STK25: variants seen among roughly 807,000 people sequenced by gnomAD.
The protein encoded by STK25 is serine/threonine kinase 25, also known as serine/threonine-protein kinase 25.
A neutral mutation model predicts 53.8 loss-of-function variants in STK25; 29 were observed. That is an observed-to-expected ratio of 0.54 (90% CI 0.40 to 0.74). The LOEUF (loss-of-function observed/expected upper bound fraction) is 0.74. Ranked by LOEUF, STK25 falls within the 30% of genes least tolerant of loss-of-function variation. STK25 has a pLI of 0.00. For synonymous variants in STK25, 247 were observed against 238.3 expected, an observed-to-expected ratio of 1.04 and a Z score of -0.33; for missense variants, 420 against 568.0, an observed-to-expected ratio of 0.74 and a Z score of 2.65.
rs2065055745 is a variant in STK25 at position 241,494,632 on chromosome 2, GCCC to G, written c.*1027_*1029del. 6.6e-6 allele frequency: 1 copy of G among 152,224 alleles called. No homozygotes were observed. Among genetic ancestry groups the G allele is most frequent in the Admixed American group, 6.5e-5 (1 of 15,292 alleles). The allele number at this position is 152,224 out of a possible 1,614,324, so 9.4% of individuals were successfully genotyped here. A position where few individuals can be genotyped will look rare whatever the true frequency, so the allele number is the denominator to read the frequency against. On this transcript the variant is annotated 3_prime_UTR_variant, in exon 12 of 12. Transcript: ENST00000316586. This position sits in a 1 kb window ranked among gnomAD's most constrained non-coding sequence, Gnocchi z 4.9. The stretch of plus-strand genomic sequence containing the variant: ...AACCAAGTGGCAGCCCCAGGGGCCT[GCCC>G]TGCAGGTCACAGCTAAACAAGTCTG...
At chr2:241,498,869 G>A (rs1355110524) in intron 7 of STK25, 85 bp from the exon 8 acceptor site, 27 of 1,606,654 alleles carry the variant, frequency 1.7e-5, no homozygotes, top group East Asian at 4.5e-5. Context: ...CTGGACCGGG[G>A]CGGGCCCTCA....
In STK25 at chr2:241,495,444, A is replaced by G; in HGVS notation, c.*218T>C. ...GCTGGGCCAGGAGAGGGAGGAGGGC[A>G]GTGGGCATAGAGAACAGCGTCCCTG... On this transcript the variant is annotated 3_prime_UTR_variant, in exon 12 of 12. Coordinates refer to ENST00000316586, the MANE Select transcript of STK25 (RefSeq NM_001271977.2). 1.8e-6 allele frequency: 1 copy of G among 568,884 alleles called. No homozygotes were observed. The highest frequency in any genetic ancestry group is 2.9e-5 in the East Asian group (1 of 34,512). 35.2% of individuals were successfully genotyped at this position (568,884 alleles called of 1,614,324 possible).
rs2064992188 is a variant in STK25, at chr2:241,493,153, CCT to C, written c.*2507_*2508del. The C allele has an allele frequency of 1.7e-6, 2 of 1,170,300 alleles. No individual in the cohort carries two copies. The highest frequency in any genetic ancestry group is 3.6e-5 in the Admixed American group (2 of 55,046). The allele number at this position is 1,170,300 out of a possible 1,614,324, so 72.5% of individuals were successfully genotyped here. A position where few individuals can be genotyped will look rare whatever the true frequency, so the allele number is the denominator to read the frequency against. On this transcript the variant is annotated 3_prime_UTR_variant, in exon 12 of 12. Coordinates refer to ENST00000316586, the MANE Select transcript of STK25 (RefSeq NM_001271977.2). ...GCCCTCCCATGCTTTGCCCACACAC[CCT>C]GTGCTGTGTGAACAGGGAAACTGGC...
In STK25 at chr2:241,498,625, A is replaced by G; in HGVS notation, c.917+14T>C. ...AGCACCTAGGGTCACCATGAGGATA[A>G]ACCAGGTCCCTACATGTCAGAGTCC... On this transcript the variant is annotated intron_variant, in intron 8 of 11. Coordinates refer to ENST00000316586, the MANE Select transcript of STK25 (RefSeq NM_001271977.2). 1 of 1,609,804 alleles carries G rather than the reference A, an allele frequency of 6.2e-7. No homozygotes were observed. Among genetic ancestry groups the G allele is most frequent in the South Asian group, 1.1e-5 (1 of 90,704 alleles).
At chr2:241,503,342 G>A (rs2065619251) in intron 2 of STK25, among the ~76,000 whole-genome samples, 1 of 151,904 alleles carries the variant, frequency 6.6e-6, no homozygotes. Context: ...TGGGATTACA[G>A]GCGTGAGCCA....
chr2:241,500,046 TG>T, intron 5 of STK25, 126 bp downstream of exon 5: 1 of 764,374 alleles, frequency 1.3e-6, no homozygotes, highest in Non-Finnish European at 2.3e-6. Context: ...AGTTTCAGGG[TG>T]GCCACAAGGT....
At position 241,497,684 on chromosome 2, in the gene STK25, C is replaced by G. The variant is rs1174596222; in HGVS notation, c.1036G>C (p.Ala346Pro). ...GTALHSSQKPAEPVKRQPRSQ... is the reference protein window; with the variant it reads ...GTALHSSQKPPEPVKRQPRSQ... ...CTCGGCTGCCTCTTGACGGGCTCCG[C>G]AGGCTGCAAAGGAGTGGAGGCCCAG... Residue 346 changes from alanine (A) to proline (P), a missense_variant, in exon 10 of 12, where the codon GCG (alanine) becomes CCG (proline). Coordinates refer to ENST00000316586, the MANE Select transcript of STK25 (RefSeq NM_001271977.2). 6.2e-7 allele frequency: 1 copy of G among 1,613,388 alleles called. No homozygotes were observed. Among genetic ancestry groups the G allele is most frequent in the Admixed American group, 1.7e-5 (1 of 60,018 alleles).
chr2:241,496,812 T>C lies in STK25; in HGVS notation c.1105-278A>G, dbSNP rs1450062432. 1.3e-5 allele frequency among the ~76,000 whole-genome samples: 2 copies of C among 152,096 alleles called. No individual in the cohort carries two copies. Among genetic ancestry groups the C allele is most frequent in the Non-Finnish European group, 2.9e-5 (2 of 67,986 alleles). On this transcript the variant is annotated intron_variant, in intron 10 of 11. Coordinates refer to ENST00000316586, the MANE Select transcript of STK25 (RefSeq NM_001271977.2). This position sits in a 1 kb window ranked among gnomAD's most constrained non-coding sequence, Gnocchi z 5.8. Reference sequence around the variant, plus strand: ...GGTTCTCAGGAGGGGACCAGATGGCTTCCTCCCAGCCGAGGGTCATGGAAG... The same window carrying C: ...GGTTCTCAGGAGGGGACCAGATGGCCTCCTCCCAGCCGAGGGTCATGGAAG...
chr2:241,501,553 GTCCTCGATCTCA>G lies in STK25; in HGVS notation c.174_185del (p.Glu59_Asp62del), dbSNP rs1559837453. The G allele has an allele frequency of 1.9e-6, 3 of 1,614,126 alleles. No individual in the cohort carries two copies. Among genetic ancestry groups the G allele is most frequent in the African/African-American group, 1.3e-5 (1 of 75,048 alleles). On this transcript the variant is annotated inframe_deletion, in exon 3 of 12. Transcript: ENST00000316586. This position sits in a 1 kb window ranked among gnomAD's most constrained non-coding sequence, Gnocchi z 5.3. ...TGAGGACAGTGATCTCCTGCTGGAT[GTCCTCGATCTCA>G]TCCTCGGCCTCCTCCAGGTCGATGA...
Position 241,495,016 on chromosome 2 carries a change from A to G in STK25, c.*646T>C, listed in dbSNP as rs1253261173. Reference sequence around the variant, plus strand: ...CCCGGGCCCCACCACACACACCTGCATGTCTCCAAGTCAGGTCTTTATTGA... The same window carrying G: ...CCCGGGCCCCACCACACACACCTGCGTGTCTCCAAGTCAGGTCTTTATTGA... On this transcript the variant is annotated 3_prime_UTR_variant, in exon 12 of 12. Transcript: ENST00000316586. The G allele has an allele frequency of 6.6e-6, 1 of 152,230 alleles. No homozygotes were observed. The highest frequency in any genetic ancestry group is 1.5e-5 in the Non-Finnish European group (1 of 68,128). 9.4% of individuals were successfully genotyped at this position (152,230 alleles called of 1,614,324 possible).
rs779913006 is a variant in STK25, at chr2:241,493,484, C to G, written c.*2178G>C. 1 of 1,596,466 alleles carries G rather than the reference C, an allele frequency of 6.3e-7. No homozygotes were observed. The highest frequency in any genetic ancestry group is 8.6e-7 in the Non-Finnish European group (1 of 1,165,034). On this transcript the variant is annotated 3_prime_UTR_variant, in exon 12 of 12. Coordinates refer to ENST00000316586, the MANE Select transcript of STK25 (RefSeq NM_001271977.2). ...GGCAGCCCTGGTCAGCTGCCCATTT[C>G]GATGTCCGCTCAGCTCCCATTTCTA...
chr2:241,492,899 A>T lies in STK25; in HGVS notation c.*2763T>A. The stretch of plus-strand genomic sequence containing the variant: ...CCACAAGGGGTCCTGGGTGCTGGTT[A>T]ATGCACCTGCATTTTTCCTTTATTG... On this transcript the variant is annotated 3_prime_UTR_variant, in exon 12 of 12. Coordinates refer to ENST00000316586, the MANE Select transcript of STK25 (RefSeq NM_001271977.2). The T allele has an allele frequency of 1.5e-6, 2 of 1,306,180 alleles. No homozygotes were observed. The highest frequency in any genetic ancestry group is 2.2e-6 in the Non-Finnish European group (2 of 899,020). The allele number at this position is 1,306,180 out of a possible 1,614,324, so 80.9% of individuals were successfully genotyped here. A position where few individuals can be genotyped will look rare whatever the true frequency, so the allele number is the denominator to read the frequency against.
In STK25 at chr2:241,501,917, T is replaced by C. The variant is rs1318186252; in HGVS notation, c.31-209A>G. 2 of 519,038 alleles carry C rather than the reference T, an allele frequency of 3.9e-6. No individual in the cohort carries two copies. Among genetic ancestry groups the C allele is most frequent in the Non-Finnish European group, 7.0e-6 (2 of 286,106 alleles). The allele number at this position is 519,038 out of a possible 1,614,324, so 32.2% of individuals were successfully genotyped here. ...GCGTGGTGGCTCACGCCTGTAATTCTAGCACTTTGGGAGGCCGAGGCAGGT... is the reference window on the plus strand; with the variant it reads ...GCGTGGTGGCTCACGCCTGTAATTCCAGCACTTTGGGAGGCCGAGGCAGGT... On this transcript the variant is annotated intron_variant, in intron 2 of 11. Transcript: ENST00000316586. This position sits in a 1 kb window ranked among gnomAD's most constrained non-coding sequence, Gnocchi z 5.3.
chr2:241,505,144 C>T (rs1338657017), intron 2 of STK25, among the ~76,000 whole-genome samples: 2 of 151,118 alleles, frequency 1.3e-5, no homozygotes, highest in East Asian at 1.9e-4. Context: ...AGGCTAGTCT[C>T]GAACTCCTGA....
intron 3 of STK25, 139 bp from the exon 4 acceptor site, chr2:241,500,935 C>T: frequency 1.3e-6 from 1 of 750,440 alleles, no homozygotes; most frequent in Non-Finnish European, 2.2e-6. Flanking sequence ...CAGGAAAGGG[C>T]TCTCTCGGCC....
In STK25 at chr2:241,501,428, G is replaced by A. The variant is rs377627531; in HGVS notation, c.261+50C>T. 1.3e-6 allele frequency: 2 copies of A among 1,565,558 alleles called. No homozygotes were observed. The highest frequency in any genetic ancestry group is 1.7e-6 in the Non-Finnish European group (2 of 1,143,064). ...GTCACTCAGTCCCTCTGACATGGAA[G>A]AGAGCCGGGCACAGCACCAGCAGGG... is the stretch of plus-strand genomic sequence containing the variant. On this transcript the variant is annotated intron_variant, in intron 3 of 11. Transcript: ENST00000316586. The surrounding 1 kb of genome is among the most constrained non-coding windows in gnomAD (Gnocchi z 5.3).
intron 2 of STK25, among the ~76,000 whole-genome samples, chr2:241,503,039 CAG>C (rs755560442): frequency 6.6e-6 from 1 of 152,154 alleles, no homozygotes; most frequent in Non-Finnish European, 1.5e-5. Context: ...GGGAAGCCAG[CAG>C]AGGTGTGTCC....
At chr2:241,506,365 CT>C (rs759950697) in intron 2 of STK25, among the ~76,000 whole-genome samples, 5 of 152,250 alleles carry the variant, frequency 3.3e-5, no homozygotes, top group Non-Finnish European at 7.3e-5. Flanking sequence ...CCCGCACTCC[CT>C]TCCCTGTGTG....
intron 2 of STK25, among the ~76,000 whole-genome samples, chr2:241,502,267 CGAT>C (rs2065558220): frequency 6.6e-6 from 1 of 152,138 alleles, no homozygotes; most frequent in Admixed American, 6.5e-5. Flanking sequence ...CAGGCCAACT[CGAT>C]GAACCCTGCT....
Sources: allele counts gnomAD v4.1 joint callset (sites outside exome capture counted in the v4.1 genomes callset), GRCh38; gene constraint gnomAD v4.1.1; non-coding constraint Gnocchi (gnomAD v3.1); transcripts MANE v1.5; gene names NCBI Gene and HGNC (gene_info 2026-07-23, HGNC 2026-07-21).